Variants in FBXL2 observed in about 807,000 individuals in gnomAD.
FBXL2 encodes the protein F-box and leucine rich repeat protein 2, also known as F-box/LRR-repeat protein 2.
A neutral mutation model predicts 69.2 loss-of-function variants in FBXL2; 38 were observed. That is an observed-to-expected ratio of 0.55 (90% CI 0.42 to 0.72). FBXL2 has a LOEUF of 0.72. Ranked by LOEUF, FBXL2 falls within the 30% of genes least tolerant of loss-of-function variation. The pLI is 0.00. For synonymous variants in FBXL2, 192 were observed against 201.3 expected (o/e 0.95, Z 0.39); for missense variants, 354 against 520.3 (o/e 0.68, Z 3.11).
chr3:33,385,789 G>A lies in FBXL2; in HGVS notation c.*181G>A, dbSNP rs2043392198. Reference sequence around the variant, plus strand: ...TGATAGTTTTCACCTTTATTCTGCTGTGAAACAATCAAATCAAAGCCTTGT... The same window carrying A: ...TGATAGTTTTCACCTTTATTCTGCTATGAAACAATCAAATCAAAGCCTTGT... On this transcript the variant is annotated 3_prime_UTR_variant, in exon 15 of 15. Transcript: ENST00000484457. 1.7e-6 allele frequency: 1 copy of A among 602,678 alleles called. No homozygotes were observed. Among genetic ancestry groups the A allele is most frequent in the African/African-American group, 1.9e-5 (1 of 53,770 alleles). The allele number at this position is 602,678 out of a possible 1,614,324, so 37.3% of individuals were successfully genotyped here.
intron 2 of FBXL2, among the ~76,000 whole-genome samples, chr3:33,340,895 C>CAAAA (rs67092664): frequency 7.7e-4 from 67 of 86,470 alleles, no homozygotes; most frequent in South Asian, 1.3e-3. Context: ...TTCCTTTGCC[C>CAAAA]AAAAAAAAAA....
chr3:33,317,517 A>G (rs1180521418), intron 2 of FBXL2: 2 of 456,566 alleles, frequency 4.4e-6, no homozygotes, highest in Admixed American at 2.3e-5. Flanking sequence ...TAAAACTTGT[A>G]AAAAGGAAGA....
At chr3:33,371,589 C>T (rs530812208) in intron 5 of FBXL2, among the ~76,000 whole-genome samples, 4 of 152,066 alleles carry the variant, frequency 2.6e-5, no homozygotes, top group South Asian at 2.1e-4. Flanking sequence ...ACTTTTAATA[C>T]CTTTGTTGTT....
At chr3:33,413,559 A>C in the FBXL2 span, among the ~76,000 whole-genome samples, 210 of 151,904 alleles carry the variant, frequency 1.4e-3, 2 homozygotes, top group African/African-American at 4.7e-3. Flanking sequence ...AAAAAAAAAA[A>C]AAAAAACTTT....
chr3:33,285,915 A>G (rs2034560968), intron 1 of FBXL2, among the ~76,000 whole-genome samples: 1 of 152,116 alleles, frequency 6.6e-6, no homozygotes, highest in Non-Finnish European at 1.5e-5. Context: ...TCTCTACACT[A>G]TTTATTCTAG....
At chr3:33,396,118 G>A in intron 12 of FBXL2, 1 of 1,482,190 alleles carries the variant, frequency 6.7e-7, no homozygotes, top group South Asian at 1.3e-5. Context: ...GTTTCTGTCT[G>A]ACAGTCTCAG....
At chr3:33,392,774 C>T, downstream of FBXL2, 1 of 636,060 alleles carries the variant, frequency 1.6e-6, no homozygotes, top group Non-Finnish European at 2.7e-6. Flanking sequence ...TGCACACGTG[C>T]TGCACTGCCT....
chr3:33,293,276 T>C (rs1287889229), intron 1 of FBXL2, among the ~76,000 whole-genome samples: 1 of 152,252 alleles, frequency 6.6e-6, no homozygotes, highest in Non-Finnish European at 1.5e-5. Flanking sequence ...ACTCATTTCA[T>C]TCACAACTGC....
intron 2 of FBXL2, among the ~76,000 whole-genome samples, chr3:33,313,367 C>T (rs2037387307): frequency 6.6e-6 from 1 of 151,694 alleles, no homozygotes; most frequent in Admixed American, 6.6e-5. Flanking sequence ...ACATGCAAAA[C>T]CAGATGGTTT....
intron 12 of FBXL2, chr3:33,396,617 A>C: frequency 2.5e-6 from 1 of 405,968 alleles, no homozygotes; most frequent in Non-Finnish European, 4.7e-6. Context: ...GAGCAATGAT[A>C]GTAAATGGTT....
At chr3:33,360,015 A>G (rs1013918983) in intron 4 of FBXL2, among the ~76,000 whole-genome samples, 1 of 152,190 alleles carries the variant, frequency 6.6e-6, no homozygotes, top group Non-Finnish European at 1.5e-5. Flanking sequence ...AAGTTTAGGC[A>G]GGGAATAAAA....
At chr3:33,359,831 AT>A (rs929655708) in intron 4 of FBXL2, among the ~76,000 whole-genome samples, 4 of 152,210 alleles carry the variant, frequency 2.6e-5, no homozygotes, top group Non-Finnish European at 2.9e-5. Flanking sequence ...TATCTATAAA[AT>A]AAAGTAATAA....
intron 2 of FBXL2, among the ~76,000 whole-genome samples, chr3:33,343,898 A>T (rs2040250490): frequency 6.6e-6 from 1 of 152,116 alleles, no homozygotes; most frequent in South Asian, 2.1e-4. Flanking sequence ...TGTTTTCCAG[A>T]CATACTAGCC....
intron 12 of FBXL2, chr3:33,401,118 G>GT (rs2044212414): frequency 9.1e-7 from 1 of 1,099,064 alleles, no homozygotes; most frequent in Admixed American, 3.0e-5. Context: ...CAAATTTCAA[G>GT]TAAGGCAACA....
intron 2 of FBXL2, among the ~76,000 whole-genome samples, chr3:33,353,732 T>C (rs2040995584): frequency 6.6e-6 from 1 of 152,186 alleles, no homozygotes; most frequent in Non-Finnish European, 1.5e-5. Flanking sequence ...AAAAAATTTT[T>C]TTTTCTAATT....
chr3:33,421,821 G>A, the FBXL2 span, among the ~76,000 whole-genome samples: 1 of 152,154 alleles, frequency 6.6e-6, no homozygotes. Flanking sequence ...GGCCAAGGTG[G>A]GTGGATCACT....
At chr3:33,392,801 G>T (rs918638695), downstream of FBXL2, 1 of 535,396 alleles carries the variant, frequency 1.9e-6, no homozygotes, top group Admixed American at 3.8e-5. Flanking sequence ...CACTATGCCT[G>T]TCCATAATGG....
At chr3:33,277,337 G>A (rs1233374766), upstream of FBXL2, 20 of 488,642 alleles carry the variant, frequency 4.1e-5, no homozygotes, top group Non-Finnish European at 6.5e-5. Context: ...CGGGGGCGAG[G>A]GGTGGGCGGT....
downstream of FBXL2, among the ~76,000 whole-genome samples, chr3:33,406,885 T>C (rs2044442067): frequency 6.6e-6 from 1 of 152,192 alleles, no homozygotes; most frequent in African/African-American, 2.4e-5. Context: ...CTAAGAGTTT[T>C]GTTGTACGGC....
Sources: gnomAD v4.1 joint callset for allele counts (sites outside exome capture counted in the v4.1 genomes callset) on GRCh38, gnomAD v4.1.1 for gene constraint, MANE v1.5 for transcripts, NCBI Gene and HGNC (gene_info 2026-07-23, HGNC 2026-07-21) for gene names.